The following NME9 variants were observed in gnomAD, a reference collection of about 807,000 sequenced individuals.
NME9 encodes NME/NM23 family member 9.
In NME9, 48 loss-of-function variants were observed where a neutral mutation model predicts 44.4. That is an observed-to-expected ratio of 1.08 (90% CI 0.86 to 1.37). The LOEUF (loss-of-function observed/expected upper bound fraction) is 1.37, where lower values mean the gene tolerates loss of function less well. Among genes scored for constraint, NME9 ranks in the 40% most tolerant of loss-of-function variants. NME9 has a pLI of 0.00. For synonymous variants in NME9, 139 were observed against 147.1 expected (o/e 0.94, Z 0.40); for missense variants, 325 against 405.2 (o/e 0.80, Z 1.70).
intron 8 of NME9, among the ~76,000 whole-genome samples, chr3:138,305,306 T>TTATA (rs1362437718): frequency 3.9e-5 from 6 of 152,156 alleles, no homozygotes; most frequent in Non-Finnish European, 1.5e-5. Context: ...AAACGTGAGA[T>TTATA]TATATAAATT....
intron 8 of NME9, chr3:138,262,725 C>G (rs780260377): frequency 2.3e-6 from 2 of 886,604 alleles, no homozygotes; most frequent in Admixed American, 3.3e-5. Context: ...GCAAGGACAA[C>G]CAAGGTTAAG....
intron 8 of NME9, chr3:138,270,238 A>G (rs371311837): frequency 8.9e-6 from 8 of 895,896 alleles, no homozygotes; most frequent in South Asian, 5.5e-5. Flanking sequence ...TTCTTTTTCA[A>G]AAATCTGGCT....
At chr3:138,276,200 A>G (rs1279441454) in intron 8 of NME9, among the ~76,000 whole-genome samples, 2 of 152,228 alleles carry the variant, frequency 1.3e-5, no homozygotes, top group Non-Finnish European at 2.9e-5. Context: ...ATGGGAGGCT[A>G]AACAGTCGGC....
intron 8 of NME9, chr3:138,273,044 A>G: frequency 6.2e-7 from 1 of 1,613,630 alleles, no homozygotes; most frequent in Non-Finnish European, 8.5e-7. Flanking sequence ...TATTCCGGTT[A>G]TTATCAGATT....
chr3:138,319,583 T>G lies in NME9; in HGVS notation c.92-2A>C. Reference sequence around the variant, plus strand: ...ACCAGCCTTGATAGACATCAACAACTGTGTGGAACCAAGAAGCAGGAACAT... The same window carrying G: ...ACCAGCCTTGATAGACATCAACAACGGTGTGGAACCAAGAAGCAGGAACAT... On this transcript the variant is annotated splice_acceptor_variant, in intron 2 of 10. Transcript: ENST00000333911. LOFTEE classifies it high-confidence loss of function. 6.4e-7 allele frequency: 1 copy of G among 1,572,040 alleles called. No homozygotes were observed. The highest frequency in any genetic ancestry group is 1.7e-4 in the Middle Eastern group (1 of 5,990).
chr3:138,321,173 G>A (rs1195816012), intron 2 of NME9, among the ~76,000 whole-genome samples: 1 of 152,232 alleles, frequency 6.6e-6, no homozygotes, highest in Non-Finnish European at 1.5e-5. Context: ...CCTAAGGTAA[G>A]AAAGCAAATT....
chr3:138,275,537 C>T (rs1314402407), intron 8 of NME9, among the ~76,000 whole-genome samples: 3 of 151,020 alleles, frequency 2.0e-5, no homozygotes, highest in East Asian at 3.9e-4. Context: ...CCGACCTGGG[C>T]GGAAGAGCGA....
chr3:138,272,769 G>A (rs1248430287), intron 8 of NME9, among the ~76,000 whole-genome samples: 1 of 152,300 alleles, frequency 6.6e-6, no homozygotes, highest in South Asian at 2.1e-4. Flanking sequence ...CAGCTACTCA[G>A]GAGACTGAGG....
At chr3:138,313,252 G>C (rs907402310) in intron 6 of NME9, among the ~76,000 whole-genome samples, 4 of 152,162 alleles carry the variant, frequency 2.6e-5, no homozygotes, top group African/African-American at 7.2e-5. Context: ...TTAGCCAGGT[G>C]TGGTGGCGGG....
At chr3:138,325,610 G>A (rs1326088472) in intron 1 of NME9, among the ~76,000 whole-genome samples, 2 of 152,000 alleles carry the variant, frequency 1.3e-5, no homozygotes, top group Non-Finnish European at 2.9e-5. Flanking sequence ...GTTCCACCAT[G>A]TTGGCCAGGC....
chr3:138,272,816 G>T lies in NME9; in HGVS notation c.746-10230C>A, dbSNP rs2048919462. On this transcript the variant is annotated intron_variant, in intron 8 of 8. Coordinates refer to the NME9 transcript ENST00000317876. ...GAACCCGGGAGGCAGAGGTTGCAGT[G>T]AGCCGTTATTGTGCCACTGCACACC... 5.2e-6 allele frequency: 3 copies of T among 572,766 alleles called. No individual in the cohort carries two copies. In the Admixed American group the frequency reaches 1.2e-4, roughly 24 times the overall value. The allele number at this position is 572,766 out of a possible 1,614,324, so 35.5% of individuals were successfully genotyped here. A position where few individuals can be genotyped will look rare whatever the true frequency, so the allele number is the denominator to read the frequency against.
chr3:138,266,246 A>G (rs762227819), intron 8 of NME9, among the ~76,000 whole-genome samples: 6 of 152,092 alleles, frequency 3.9e-5, no homozygotes, highest in Non-Finnish European at 5.9e-5. Context: ...CCTGAACCTC[A>G]TTAAGAGCCC....
intron 8 of NME9, among the ~76,000 whole-genome samples, chr3:138,293,903 A>C (rs949508281): frequency 2.0e-5 from 3 of 152,162 alleles, no homozygotes; most frequent in Non-Finnish European, 4.4e-5. Context: ...TTTTCACATA[A>C]GTTTTTAGCT....
chr3:138,297,875 T>A (rs1316994477), downstream of NME9: 4 of 152,206 alleles, frequency 2.6e-5, no homozygotes, highest in African/African-American at 9.7e-5. Flanking sequence ...TAGGTAAATA[T>A]AAAGAAACCA....
rs1467988758 is a variant in NME9, at chr3:138,267,966, G to A, written c.746-5380C>T. On this transcript the variant is annotated intron_variant, in intron 8 of 8. Coordinates refer to the NME9 transcript ENST00000317876. ...ATTAATAAGATGGAGGTTCTGGCCA[G>A]GCACGGTGGTTCATGCGTGTAAACC... Among the ~76,000 whole-genome samples, 17 of 152,066 alleles carry A rather than the reference G, an allele frequency of 1.1e-4. 1 individual carries two copies. Among genetic ancestry groups the A allele is most frequent in the Admixed American group, 1.0e-3 (16 of 15,278 alleles).
chr3:138,264,122 T>A, intron 8 of NME9: 1 of 1,607,786 alleles, frequency 6.2e-7, no homozygotes, highest in Admixed American at 1.7e-5. Flanking sequence ...TTTTGATTAT[T>A]CTTTGTAGAT....
At chr3:138,306,580 A>C in intron 6 of NME9, 100 bp from the exon 7 acceptor site, 2 of 713,128 alleles carry the variant, frequency 2.8e-6, no homozygotes, top group South Asian at 1.8e-5. Context: ...CCATTGCACC[A>C]AGTGCCAGGC....
chr3:138,287,604 G>A (rs2050555061), intron 8 of NME9: 1 of 456,286 alleles, frequency 2.2e-6, no homozygotes, highest in African/African-American at 2.0e-5. Context: ...GCTGGGAGCA[G>A]ATAAGTTTTA....
intron 2 of NME9, among the ~76,000 whole-genome samples, chr3:138,322,486 GT>G (rs2053532359): frequency 1.8e-3 from 10 of 5,484 alleles, no homozygotes; most frequent in Admixed American, 0.014. Flanking sequence ...AGAAAAAGGG[GT>G]GTGTGTGTGT....
Sources: allele counts gnomAD v4.1 joint callset (sites outside exome capture counted in the v4.1 genomes callset), GRCh38; gene constraint gnomAD v4.1.1; transcripts MANE v1.5; gene names NCBI Gene and HGNC (gene_info 2026-07-23, HGNC 2026-07-21).